The following HEXB variants were observed in gnomAD, a reference collection of about 807,000 sequenced individuals.
HEXB encodes beta-hexosaminidase subunit beta.
HEXB carries 51 observed loss-of-function variants against 71.2 expected under a neutral mutation model. The observed-to-expected ratio is 0.72, with a 90% confidence interval of 0.57 to 0.90. The LOEUF is 0.90. Among genes scored for constraint, HEXB ranks in the 40% least tolerant of loss-of-function variants. HEXB has a pLI of 0.00. For missense variants in HEXB, 617 were observed against 677.0 expected, an observed-to-expected ratio of 0.91 and a Z score of 0.98; for synonymous variants, 266 against 249.3, an observed-to-expected ratio of 1.07 and a Z score of -0.63.
Position 74,718,921 on chromosome 5 carries a change from A to C in HEXB, c.1367A>C (p.Tyr456Ser), listed in dbSNP as rs121907982. ...SAPWYLDLIS[Y>S]GQDWRKYYKV... The stretch of plus-strand genomic sequence containing the variant: ...CCTTGGTACTTAGATTTGATTAGCT[A>C]TGGACAAGATTGGAGGAAATACTAT... Residue 456 changes from tyrosine to serine, a missense_variant, in exon 11 of 14, where the codon TAT becomes TCT. Physicochemically the swap from Tyr to Ser is moderately radical, Grantham distance 144. Transcript: ENST00000261416. The C allele has an allele frequency of 4.7e-5, 76 of 1,614,136 alleles. No homozygotes were observed. The highest frequency in any genetic ancestry group is 3.8e-4 in the Admixed American group (23 of 60,022).
upstream of HEXB, chr5:74,685,230 G>T: frequency 1.3e-6 from 2 of 1,483,608 alleles, no homozygotes; most frequent in Non-Finnish European, 1.8e-6. Flanking sequence ...GCTCCGGCTC[G>T]GCAGACCGGG....
intron 6 of HEXB, among the ~76,000 whole-genome samples, chr5:74,707,553 C>T (rs915329788): frequency 1.8e-4 from 28 of 152,046 alleles, no homozygotes; most frequent in Non-Finnish European, 2.6e-4. Flanking sequence ...AAAATTTAGA[C>T]GAATGTACAA....
chr5:74,659,969 A>G (rs978303361), intron 1 of HEXB, among the ~76,000 whole-genome samples: 3 of 152,188 alleles, frequency 2.0e-5, no homozygotes, highest in Admixed American at 6.6e-5. Flanking sequence ...TGCTCTGTCT[A>G]TAACTGATGG....
intron 2 of HEXB, among the ~76,000 whole-genome samples, chr5:74,690,296 C>T (rs1748967640): frequency 6.6e-6 from 1 of 151,950 alleles, no homozygotes; most frequent in South Asian, 2.1e-4. Context: ...CAAAGAAGGG[C>T]AGTATAAGGA....
chr5:74,720,258 G>A (rs868039724), intron 11 of HEXB, 170 bp from the exon 12 acceptor site: 1 of 650,386 alleles, frequency 1.5e-6, no homozygotes, highest in Admixed American at 2.4e-5. Flanking sequence ...TGGGGGAAGA[G>A]GAGGGGCCAT....
chr5:74,648,508 T>C (rs1748042396), intron 1 of HEXB, among the ~76,000 whole-genome samples: 1 of 152,172 alleles, frequency 6.6e-6, no homozygotes, highest in Non-Finnish European at 1.5e-5. Context: ...ATTCCTATTT[T>C]CTGTTCTTCA....
intron 1 of HEXB, among the ~76,000 whole-genome samples, chr5:74,663,188 T>C (rs1395628484): frequency 2.8e-5 from 3 of 108,354 alleles, no homozygotes; most frequent in Non-Finnish European, 3.7e-5. Context: ...TTTTCCTTTT[T>C]TTTGGGGGGG....
intron 1 of HEXB, among the ~76,000 whole-genome samples, chr5:74,655,312 CTTTTTTT>C (rs386404134): frequency 8.0e-6 from 1 of 125,126 alleles, no homozygotes; most frequent in Non-Finnish European, 1.6e-5. Context: ...AAGCATTAAA[CTTTTTTT>C]TTTTTTTTTT....
At chr5:74,704,761 G>A (rs1402056252) in intron 5 of HEXB, among the ~76,000 whole-genome samples, 1 of 152,134 alleles carries the variant, frequency 6.6e-6, no homozygotes, top group Non-Finnish European at 1.5e-5. Flanking sequence ...TATATATGAT[G>A]AAGAATTTCT....
In HEXB at chr5:74,716,605, T is replaced by C. The variant is rs1749677760; in HGVS notation, c.1101T>C (p.Ile367=). The part of the protein sequence containing the change: ...EFKCWESNPK[I]QDFMRQKGFG... ...GCTTCAGGGAATCAAATCCAAAAAT[T>C]CAAGATTTCATGAGGCAAAAAGGCT... is the stretch of plus-strand genomic sequence containing the variant. The change falls in exon 9 of 14, where the codon ATT becomes ATC. Residue 367 remains isoleucine, a synonymous_variant. Coordinates refer to ENST00000261416, the MANE Select transcript of HEXB (RefSeq NM_000521.4). 5.0e-6 allele frequency: 8 copies of C among 1,607,924 alleles called. No individual in the cohort carries two copies. The South Asian group carries it at 8.8e-5, about 18-fold the overall frequency.
upstream of HEXB, among the ~76,000 whole-genome samples, chr5:74,681,531 G>A (rs1406343961): frequency 6.6e-6 from 1 of 152,152 alleles, no homozygotes; most frequent in African/African-American, 2.4e-5. Context: ...TCCACCCTGA[G>A]TAACATAGTG....
chr5:74,671,347 A>G (rs1004440209), intron 1 of HEXB, among the ~76,000 whole-genome samples: 1 of 152,190 alleles, frequency 6.6e-6, no homozygotes, highest in African/African-American at 2.4e-5. Flanking sequence ...AATAACAGGA[A>G]TAAACTGTGG....
intron 11 of HEXB, 179 bp from the exon 12 acceptor site, chr5:74,720,249 G>A (rs1447153524): frequency 1.6e-6 from 1 of 628,936 alleles, no homozygotes; most frequent in Non-Finnish European, 2.9e-6. Context: ...TTTGGGGGGT[G>A]GGGGAAGAGG....
intron 1 of HEXB, among the ~76,000 whole-genome samples, chr5:74,657,283 T>C (rs1193247691): frequency 6.6e-6 from 1 of 152,144 alleles, no homozygotes; most frequent in African/African-American, 2.4e-5. Flanking sequence ...GCCCTGTTTG[T>C]CCCCAGATAC....
At chr5:74,642,434 G>A (rs114739423) in intron 1 of HEXB, among the ~76,000 whole-genome samples, 5,222 of 152,252 alleles carry the variant, frequency 0.034, 125 homozygotes, top group Non-Finnish European at 0.049. Context: ...AAACTCTGTA[G>A]ACTCCAGAGA....
chr5:74,651,268 T>G (rs1191755945), intron 1 of HEXB, among the ~76,000 whole-genome samples: 1 of 152,246 alleles, frequency 6.6e-6, no homozygotes, highest in Non-Finnish European at 1.5e-5. Context: ...TGGGTTCTCT[T>G]GGCCTCCATT....
rs1749678930 is a variant in HEXB, at chr5:74,716,638, A to G, written c.1134A>G (p.Thr378=). 1.9e-6 allele frequency: 3 copies of G among 1,609,426 alleles called. No individual in the cohort carries two copies. The highest frequency in any genetic ancestry group is 3.3e-5 in the Admixed American group (2 of 59,862). Residue 378 remains threonine, a synonymous_variant, in exon 9 of 14, where the codon ACA becomes ACG. Coordinates refer to ENST00000261416, the MANE Select transcript of HEXB (RefSeq NM_000521.4). ...TCATGAGGCAAAAAGGCTTTGGCAC[A>G]GATTTTAAGAAACTAGAATCTTTCT... is the stretch of plus-strand genomic sequence containing the variant. ...QDFMRQKGFG[T]DFKKLESFYI... is the part of the protein sequence containing the mutation.
At chr5:74,697,280 C>T (rs1403203280) in intron 5 of HEXB, among the ~76,000 whole-genome samples, 174 bp downstream of exon 5, 1 of 152,132 alleles carries the variant, frequency 6.6e-6, no homozygotes, top group Non-Finnish European at 1.5e-5. Context: ...CGTGGAGGTC[C>T]CCTTGAGAAT....
intron 6 of HEXB, among the ~76,000 whole-genome samples, chr5:74,709,205 C>G (rs1323462624): frequency 2.0e-5 from 3 of 152,110 alleles, no homozygotes; most frequent in Non-Finnish European, 4.4e-5. Context: ...GGGTACATAA[C>G]GAAATGAAGG....
Sources: gnomAD v4.1 joint callset for allele counts (sites outside exome capture counted in the v4.1 genomes callset) on GRCh38, gnomAD v4.1.1 for gene constraint, MANE v1.5 for transcripts, NCBI Gene and HGNC (gene_info 2026-07-23, HGNC 2026-07-21) for gene names.